Variants in AGBL1 observed in about 807,000 individuals in gnomAD.
AGBL1 encodes AGBL carboxypeptidase 1.
A neutral mutation model predicts 118.9 loss-of-function variants in AGBL1; 130 were observed. The observed-to-expected ratio is 1.09, with a 90% confidence interval of 0.95 to 1.26. AGBL1 has a LOEUF of 1.26. Among genes scored for constraint, AGBL1 ranks in the 50% most tolerant of loss-of-function variants. AGBL1 has a pLI of 0.00. For synonymous variants in AGBL1, 555 were observed against 478.9 expected, an observed-to-expected ratio of 1.16 and a Z score of -2.08; for missense variants, 1,584 against 1,298.1, an observed-to-expected ratio of 1.22 and a Z score of -3.38.
intron 23 of AGBL1, among the ~76,000 whole-genome samples, chr15:86,954,407 C>A (rs1286013398): frequency 8.5e-5 from 13 of 152,144 alleles, no homozygotes; most frequent in Non-Finnish European, 1.5e-4. Context: ...ACCTAGGTGT[C>A]CATCAGTGAT....
chr15:86,662,349 T>C (rs1223572886), intron 21 of AGBL1, among the ~76,000 whole-genome samples: 1 of 152,242 alleles, frequency 6.6e-6, no homozygotes, highest in Admixed American at 6.5e-5. Context: ...ATTTAATCTT[T>C]ATAGAAGCAC....
intron 21 of AGBL1, among the ~76,000 whole-genome samples, chr15:86,667,088 G>T (rs1210452430): frequency 6.6e-6 from 1 of 152,028 alleles, no homozygotes; most frequent in Non-Finnish European, 1.5e-5. Flanking sequence ...ATCTATACTA[G>T]CAGATTTCCT....
intron 18 of AGBL1, among the ~76,000 whole-genome samples, chr15:86,483,406 G>A (rs932574065): frequency 4.6e-5 from 7 of 152,010 alleles, no homozygotes; most frequent in Admixed American, 2.0e-4. Flanking sequence ...CTTTCCAAAG[G>A]TCTGGTTTAT....
chr15:86,256,735 G>A, intron 7 of AGBL1, 118 bp from the exon 8 acceptor site: 1 of 1,011,966 alleles, frequency 9.9e-7, no homozygotes, highest in Non-Finnish European at 1.4e-6. Context: ...TAATTCATTA[G>A]CTGAAACACA....
At chr15:86,632,102 A>C (rs62031358) in intron 21 of AGBL1, among the ~76,000 whole-genome samples, 4 of 151,038 alleles carry the variant, frequency 2.6e-5, no homozygotes, top group Non-Finnish European at 4.4e-5. Context: ...CTGTCTCCAC[A>C]ATTTTTTTTT....
intron 22 of AGBL1, among the ~76,000 whole-genome samples, chr15:86,696,031 G>T (rs1483562367): frequency 6.6e-6 from 1 of 151,888 alleles, no homozygotes; most frequent in African/African-American, 2.4e-5. Flanking sequence ...AAATTTCCAT[G>T]TGCTCATGAG....
At chr15:86,937,449 A>G (rs984100178) in intron 23 of AGBL1, among the ~76,000 whole-genome samples, 4 of 152,254 alleles carry the variant, frequency 2.6e-5, no homozygotes, top group South Asian at 2.1e-4. Context: ...CATATACTCC[A>G]TGGAATACTA....
intron 24 of AGBL1, among the ~76,000 whole-genome samples, chr15:87,028,168 C>CTT (rs1385776870): frequency 2.0e-5 from 3 of 151,884 alleles, no homozygotes; most frequent in African/African-American, 7.2e-5. Flanking sequence ...GTGCCCTTTG[C>CTT]TTATTGATCA....
chr15:86,156,263 C>T (rs557342194), intron 4 of AGBL1, among the ~76,000 whole-genome samples: 4 of 152,246 alleles, frequency 2.6e-5, no homozygotes, highest in East Asian at 3.9e-4. Flanking sequence ...CTCAGGATGT[C>T]GGCAGATTTG....
At chr15:86,629,889 G>A (rs11858830) in intron 21 of AGBL1, among the ~76,000 whole-genome samples, 11,962 of 152,200 alleles carry the variant, frequency 0.079, 610 homozygotes, top group Non-Finnish European at 0.089. Context: ...ATTTGTATGG[G>A]GCTTCTGGTC....
chr15:86,272,263 T>C (rs2141694081), intron 15 of AGBL1, among the ~76,000 whole-genome samples: 1 of 152,324 alleles, frequency 6.6e-6, no homozygotes, highest in Non-Finnish European at 1.5e-5. Flanking sequence ...TCCTGCAAAG[T>C]TATAATGAAC....
intron 19 of AGBL1, among the ~76,000 whole-genome samples, chr15:86,544,648 T>A (rs1316160851): frequency 6.6e-6 from 1 of 152,128 alleles, no homozygotes; most frequent in African/African-American, 2.4e-5. Flanking sequence ...ATGACACTTA[T>A]TCGCTATCAG....
At chr15:86,086,610 C>A (rs577658114) in intron 1 of AGBL1, among the ~76,000 whole-genome samples, 1 of 152,106 alleles carries the variant, frequency 6.6e-6, no homozygotes, top group Non-Finnish European at 1.5e-5. Context: ...CTTCCTCTCT[C>A]CCTCCCTCCT....
At chr15:86,337,391 A>T (rs1486046834) in intron 17 of AGBL1, among the ~76,000 whole-genome samples, 1 of 152,242 alleles carries the variant, frequency 6.6e-6, no homozygotes, top group Non-Finnish European at 1.5e-5. Context: ...AGGTAGAAAG[A>T]TGCATGCAGA....
chr15:86,996,595 T>A (rs533439226), intron 24 of AGBL1, among the ~76,000 whole-genome samples: 2 of 152,278 alleles, frequency 1.3e-5, no homozygotes, highest in East Asian at 3.9e-4. Flanking sequence ...GAGCAAGACC[T>A]TGTCTCAAAG....
intron 18 of AGBL1, among the ~76,000 whole-genome samples, chr15:86,492,018 T>G (rs62012349): frequency 0.45 from 68,722 of 151,912 alleles, 16,213 homozygotes; most frequent in East Asian, 0.68. Context: ...GATTTTACCT[T>G]CATTTTTGGA....
rs77006937 is a variant in AGBL1 at position 86,477,375 on chromosome 15, C to T, written c.2556-45435C>T. On this transcript the variant is annotated intron_variant, in intron 18 of 22. Transcript: ENST00000614907. ...AGAAAAGAGAGAAGAATCAAATAGACGCAATAAAAAATGATAAAGGGGATA... is the reference window on the plus strand; with the variant it reads ...AGAAAAGAGAGAAGAATCAAATAGATGCAATAAAAAATGATAAAGGGGATA... Among the ~76,000 whole-genome samples the T allele has an allele frequency of 7.5e-4, 114 of 151,762 alleles. 2 individuals are homozygous for T. In the South Asian group the frequency reaches 0.018, roughly 23 times the overall value.
At chr15:86,980,384 A>G (rs62034307) in intron 23 of AGBL1, among the ~76,000 whole-genome samples, 26,051 of 152,218 alleles carry the variant, frequency 0.17, 2,259 homozygotes, top group Non-Finnish European at 0.18. Context: ...AAAAAATAGC[A>G]TTGGCTGCTG....
chr15:86,447,827 C>T (rs2082141967), intron 18 of AGBL1, among the ~76,000 whole-genome samples: 1 of 152,078 alleles, frequency 6.6e-6, no homozygotes, highest in African/African-American at 2.4e-5. Context: ...TGTAAAAGAA[C>T]TAATAATATA....
Sources: gnomAD v4.1 joint callset for allele counts (sites outside exome capture counted in the v4.1 genomes callset) on GRCh38, gnomAD v4.1.1 for gene constraint, MANE v1.5 for transcripts, NCBI Gene and HGNC (gene_info 2026-07-23, HGNC 2026-07-21) for gene names.